FOXP2: variants seen among roughly 807,000 people sequenced by gnomAD.
FOXP2 encodes the protein forkhead box P2, also known as forkhead box protein P2.
FOXP2 carries 12 observed loss-of-function variants against 115.8 expected under a neutral mutation model. That is an observed-to-expected ratio of 0.10 (90% CI 0.07 to 0.17). FOXP2 has a LOEUF of 0.17. Ranked by LOEUF, FOXP2 falls within the 10% of genes least tolerant of loss-of-function variation. The pLI is 1.00. For synonymous variants in FOXP2, 328 were observed against 297.7 expected (o/e 1.10, Z -1.05); for missense variants, 629 against 843.5 (o/e 0.75, Z 3.15).
chr7:114,686,080 A>G (rs1808347089), intron 16 of FOXP2, among the ~76,000 whole-genome samples: 1 of 152,096 alleles, frequency 6.6e-6, no homozygotes, highest in Non-Finnish European at 1.5e-5. Context: ...ATCTAAATAT[A>G]CTTTCATATA....
At chr7:114,296,220 T>C (rs1446396425) in intron 2 of FOXP2, among the ~76,000 whole-genome samples, 8 of 152,202 alleles carry the variant, frequency 5.3e-5, no homozygotes, top group African/African-American at 1.4e-4. Context: ...AAGAGAGTAA[T>C]ATGAATAAAA....
chr7:114,649,312 T>C (rs1806101840), intron 8 of FOXP2, among the ~76,000 whole-genome samples: 1 of 152,076 alleles, frequency 6.6e-6, no homozygotes, highest in Non-Finnish European at 1.5e-5. Flanking sequence ...TAAGATAGTA[T>C]TATGGAGCAT....
intron 2 of FOXP2, among the ~76,000 whole-genome samples, chr7:114,387,330 C>T (rs373939025): frequency 2.6e-5 from 4 of 152,130 alleles, no homozygotes; most frequent in East Asian, 3.8e-4. Context: ...ATTCTCTTCT[C>T]TTGAGGAAGT....
intron 3 of FOXP2, among the ~76,000 whole-genome samples, chr7:114,550,222 A>G (rs1241517034): frequency 1.4e-5 from 2 of 143,628 alleles, no homozygotes; most frequent in South Asian, 2.2e-4. Flanking sequence ...GGTTGACGCC[A>G]TTCTCCTGCC....
At chr7:114,547,085 A>G (rs538051595) in intron 3 of FOXP2, among the ~76,000 whole-genome samples, 1 of 152,326 alleles carries the variant, frequency 6.6e-6, no homozygotes, top group African/African-American at 2.4e-5. Flanking sequence ...ATTAGAAGAC[A>G]TGATTCAGGT....
chr7:114,131,939 T>C (rs1356557958), intron 1 of FOXP2, among the ~76,000 whole-genome samples: 2 of 152,196 alleles, frequency 1.3e-5, no homozygotes, highest in Non-Finnish European at 2.9e-5. Flanking sequence ...ACATTGTTTA[T>C]GTATGGAAAG....
At chr7:114,199,104 A>G (rs1007321072) in intron 1 of FOXP2, among the ~76,000 whole-genome samples, 6 of 152,164 alleles carry the variant, frequency 3.9e-5, no homozygotes, top group African/African-American at 1.4e-4. Context: ...TCAGCCTCAA[A>G]TTCCTGGGCT....
chr7:114,686,890 G>A (rs1024888253), intron 16 of FOXP2, among the ~76,000 whole-genome samples: 2 of 152,030 alleles, frequency 1.3e-5, no homozygotes, highest in East Asian at 3.8e-4. Flanking sequence ...CAATGAGCAC[G>A]TTCAAAGGGA....
intron 1 of FOXP2, among the ~76,000 whole-genome samples, chr7:114,256,350 G>T (rs574725935): frequency 1.3e-5 from 2 of 152,200 alleles, no homozygotes; most frequent in South Asian, 2.1e-4. Flanking sequence ...CAGGTGATCC[G>T]CCCACCTTGG....
chr7:114,562,205 T>C (rs1014508712), intron 3 of FOXP2, among the ~76,000 whole-genome samples: 1 of 152,182 alleles, frequency 6.6e-6, no homozygotes, highest in East Asian at 1.9e-4. Flanking sequence ...GCTGTGGCTT[T>C]TCTTATTCCT....
At chr7:114,243,913 C>CT (rs1179038197) in intron 1 of FOXP2, among the ~76,000 whole-genome samples, 1 of 144,844 alleles carries the variant, frequency 6.9e-6, no homozygotes, top group Non-Finnish European at 1.5e-5. Flanking sequence ...TGGTTTTTAG[C>CT]TTGTTTTTTT....
chr7:114,522,618 A>T (rs1312069860), intron 2 of FOXP2, among the ~76,000 whole-genome samples: 1 of 152,202 alleles, frequency 6.6e-6, no homozygotes, highest in Admixed American at 6.6e-5. Flanking sequence ...AGGTTACAGG[A>T]CACTTGACAA....
intron 3 of FOXP2, among the ~76,000 whole-genome samples, chr7:114,562,508 A>AACTT (rs1381556055): frequency 6.6e-6 from 1 of 152,076 alleles, no homozygotes; most frequent in African/African-American, 2.4e-5. Flanking sequence ...TCCCAAAACA[A>AACTT]ACTTATATTA....
chr7:114,110,053 CT>C (rs936070138), intron 1 of FOXP2, among the ~76,000 whole-genome samples: 2 of 152,156 alleles, frequency 1.3e-5, no homozygotes, highest in African/African-American at 4.8e-5. Context: ...TTTGTCTCCC[CT>C]AGTGGAAAAT....
intron 2 of FOXP2, among the ~76,000 whole-genome samples, chr7:114,445,429 C>T (rs1344837529): frequency 6.6e-6 from 1 of 152,174 alleles, no homozygotes; most frequent in African/African-American, 2.4e-5. Context: ...TCAACTCCAA[C>T]TTTACAATTC....
intron 6 of FOXP2, among the ~76,000 whole-genome samples, chr7:114,636,473 T>C (rs1805223488): frequency 6.6e-6 from 1 of 152,158 alleles, no homozygotes; most frequent in Non-Finnish European, 1.5e-5. Flanking sequence ...CTTTAAATTA[T>C]AAGTAACCTT....
chr7:114,177,314 T>A (rs1793342161), intron 1 of FOXP2, among the ~76,000 whole-genome samples: 1 of 152,190 alleles, frequency 6.6e-6, no homozygotes, highest in Admixed American at 6.5e-5. Context: ...CAACCAGTCT[T>A]CTAGAGCAGT....
At chr7:114,309,346 T>C (rs1266340646) in intron 2 of FOXP2, among the ~76,000 whole-genome samples, 3 of 152,192 alleles carry the variant, frequency 2.0e-5, no homozygotes, top group African/African-American at 7.2e-5. Flanking sequence ...CCGTACGAAG[T>C]GTGGCTTCCT....
At chr7:114,650,428 GAA>G (rs5886718) in intron 8 of FOXP2, among the ~76,000 whole-genome samples, 184 of 150,490 alleles carry the variant, frequency 1.2e-3, no homozygotes, top group South Asian at 4.6e-3. Flanking sequence ...AGTTCATGGT[GAA>G]AAAAAAAAAA....
Sources: allele counts gnomAD v4.1 joint callset (sites outside exome capture counted in the v4.1 genomes callset), GRCh38; gene constraint gnomAD v4.1.1; transcripts MANE v1.5; gene names NCBI Gene and HGNC (gene_info 2026-07-23, HGNC 2026-07-21).